MYO5B: variants seen among roughly 807,000 people sequenced by gnomAD.
The protein encoded by MYO5B is myosin VB.
MYO5B carries 143 observed loss-of-function variants against 229.3 expected under a neutral mutation model. The ratio of observed to expected loss-of-function variants is 0.62; its 90% CI spans 0.54 to 0.72. The LOEUF is 0.72. Ranked by LOEUF, MYO5B falls within the 30% of genes least tolerant of loss-of-function variation. MYO5B has a pLI of 0.00. For missense variants in MYO5B, 2,321 were observed against 2,331.0 expected (o/e 1.00, Z 0.09); for synonymous variants, 918 against 885.2 (o/e 1.04, Z -0.66).
intron 3 of MYO5B, among the ~76,000 whole-genome samples, chr18:50,039,025 C>T (rs2144387648): frequency 6.6e-6 from 1 of 152,264 alleles, no homozygotes; most frequent in South Asian, 2.1e-4. Context: ...GCAGCTAAAA[C>T]TATCAATTCC....
At chr18:49,929,488 G>A in intron 17 of MYO5B, 24 bp downstream of exon 17, 1 of 1,584,694 alleles carries the variant, frequency 6.3e-7, no homozygotes, top group South Asian at 1.1e-5. Context: ...GCCCCAGGAG[G>A]CAGCTGGCGG....
chr18:49,847,896 A>G (rs1053886150), intron 32 of MYO5B, among the ~76,000 whole-genome samples: 1 of 152,220 alleles, frequency 6.6e-6, no homozygotes, highest in South Asian at 2.1e-4. Context: ...ATGCAGGTTC[A>G]GGTTTAGGAA....
intron 31 of MYO5B, among the ~76,000 whole-genome samples, chr18:49,853,069 G>C (rs2024220063): frequency 6.6e-6 from 1 of 152,176 alleles, no homozygotes; most frequent in South Asian, 2.1e-4. Flanking sequence ...CGCCATATCT[G>C]GCCTAGCCAT....
At chr18:50,137,634 T>TA (rs2032355336) in intron 1 of MYO5B, among the ~76,000 whole-genome samples, 1 of 152,302 alleles carries the variant, frequency 6.6e-6, no homozygotes, top group African/African-American at 2.4e-5. Flanking sequence ...CTACTAGATA[T>TA]ATACCCAGAG....
intron 17 of MYO5B, among the ~76,000 whole-genome samples, chr18:49,926,387 G>A (rs1460779687): frequency 1.3e-5 from 2 of 152,224 alleles, no homozygotes; most frequent in Non-Finnish European, 2.9e-5. Context: ...ACAGGGAGGA[G>A]GGGAGGCCCA....
chr18:50,072,035 G>C (rs550459996), intron 1 of MYO5B, among the ~76,000 whole-genome samples: 1 of 152,298 alleles, frequency 6.6e-6, no homozygotes, highest in East Asian at 1.9e-4. Flanking sequence ...ATAGGAGCTA[G>C]AAGTCATCAA....
At chr18:49,895,933 A>G (rs1315476691) in intron 21 of MYO5B, among the ~76,000 whole-genome samples, 1 of 152,226 alleles carries the variant, frequency 6.6e-6, no homozygotes, top group African/African-American at 2.4e-5. Context: ...GGCATTAGCT[A>G]AGAGTGGTCA....
intron 21 of MYO5B, among the ~76,000 whole-genome samples, chr18:49,900,673 CA>C: frequency 6.6e-6 from 1 of 152,266 alleles, no homozygotes; most frequent in Admixed American, 6.5e-5. Context: ...CAATGACTTA[CA>C]AAGCCATACC....
intron 27 of MYO5B, chr18:49,871,643 T>A (rs1248040569): frequency 4.9e-6 from 1 of 202,250 alleles, no homozygotes; most frequent in Non-Finnish European, 1.0e-5. Flanking sequence ...TCCATTGAAA[T>A]AACTCACTAC....
At chr18:50,072,327 G>A (rs764006647) in intron 1 of MYO5B, among the ~76,000 whole-genome samples, 26 of 152,244 alleles carry the variant, frequency 1.7e-4, no homozygotes, top group Non-Finnish European at 3.2e-4. Flanking sequence ...CCAAGCTTCA[G>A]GGATCCAGTC....
chr18:49,897,637 T>C lies in MYO5B; in HGVS notation c.2812-2463A>G, dbSNP rs562695867. 9.8e-5 allele frequency among the ~76,000 whole-genome samples: 15 copies of C among 152,334 alleles called. No homozygotes were observed. In the South Asian group the frequency reaches 2.9e-3, roughly 29 times the overall value. On this transcript the variant is annotated intron_variant, in intron 21 of 39. Transcript: ENST00000285039. Reference sequence around the variant, plus strand: ...GAAATAAAAAATTTTTGTAGAGTTGTACATGTTTGTGTTTTAAGCTAAGCC... The same window carrying C: ...GAAATAAAAAATTTTTGTAGAGTTGCACATGTTTGTGTTTTAAGCTAAGCC...
intron 1 of MYO5B, among the ~76,000 whole-genome samples, chr18:50,131,945 G>A (rs571321219): frequency 8.1e-4 from 124 of 152,288 alleles, no homozygotes; most frequent in African/African-American, 2.6e-3. Flanking sequence ...TTTTTGTGAA[G>A]AGAGAACATT....
At chr18:50,109,939 G>A (rs556218379) in intron 1 of MYO5B, among the ~76,000 whole-genome samples, 8 of 152,234 alleles carry the variant, frequency 5.3e-5, no homozygotes, top group East Asian at 3.9e-4. Flanking sequence ...CCATCCCAGC[G>A]AAAGTCAAAC....
intron 4 of MYO5B, among the ~76,000 whole-genome samples, chr18:50,018,784 G>A (rs1286464931): frequency 2.6e-5 from 4 of 152,092 alleles, no homozygotes; most frequent in Admixed American, 6.5e-5. Flanking sequence ...CTTAACACAC[G>A]GTTTTAGTGG....
At chr18:50,025,303 C>T (rs919377321) in intron 4 of MYO5B, among the ~76,000 whole-genome samples, 3 of 152,172 alleles carry the variant, frequency 2.0e-5, no homozygotes, top group Non-Finnish European at 4.4e-5. Flanking sequence ...TCTGAAGGAC[C>T]TCAGGAGAAA....
chr18:49,859,085 G>T (rs539119298), intron 29 of MYO5B, among the ~76,000 whole-genome samples: 9 of 152,322 alleles, frequency 5.9e-5, no homozygotes, highest in South Asian at 4.1e-4. Flanking sequence ...AGCCACAGGG[G>T]GCAGTGAGGC....
chr18:49,936,926 T>C (rs1174107511), intron 15 of MYO5B, among the ~76,000 whole-genome samples: 1 of 152,016 alleles, frequency 6.6e-6, no homozygotes, highest in Non-Finnish European at 1.5e-5. Flanking sequence ...TCCTTAAGCC[T>C]CCTCTCTAAC....
intron 16 of MYO5B, among the ~76,000 whole-genome samples, chr18:49,935,466 G>A (rs934411712): frequency 1.3e-5 from 2 of 152,210 alleles, no homozygotes; most frequent in Non-Finnish European, 2.9e-5. Context: ...CAGGTCTCAT[G>A]GGTGGATGAG....
chr18:50,181,190 T>C (rs994544854), intron 1 of MYO5B, among the ~76,000 whole-genome samples: 1 of 152,256 alleles, frequency 6.6e-6, no homozygotes, highest in African/African-American at 2.4e-5. Context: ...GTTCATACAC[T>C]AAGTTAATTG....
Sources: allele counts gnomAD v4.1 joint callset (sites outside exome capture counted in the v4.1 genomes callset), GRCh38; gene constraint gnomAD v4.1.1; transcripts MANE v1.5; gene names NCBI Gene and HGNC (gene_info 2026-07-23, HGNC 2026-07-21).